The following HDAC9 variants were observed in gnomAD, a reference collection of about 807,000 sequenced individuals.
The protein encoded by HDAC9 is histone deacetylase 9, also known as MEF-2 interacting transcription repressor (MITR) protein.
Under a neutral mutation model 139.4 loss-of-function variants are expected in HDAC9, and 41 were observed. The ratio of observed to expected loss-of-function variants is 0.29; its 90% CI spans 0.23 to 0.38. The LOEUF (loss-of-function observed/expected upper bound fraction) is 0.38. Ranked by LOEUF, HDAC9 falls within the 10% of genes least tolerant of loss-of-function variation. The pLI is 1.00. For missense variants in HDAC9, 1,147 were observed against 1,297.0 expected (o/e 0.88, Z 1.78); for synonymous variants, 517 against 476.2 (o/e 1.09, Z -1.12).
At chr7:18,686,727 A>G (rs1253135848) in intron 12 of HDAC9, among the ~76,000 whole-genome samples, 1 of 151,908 alleles carries the variant, frequency 6.6e-6, no homozygotes, top group Non-Finnish European at 1.5e-5. Context: ...AACTCTGTCA[A>G]CATTTATACA....
At chr7:18,814,135 AC>A (rs1794393924) in intron 17 of HDAC9, among the ~76,000 whole-genome samples, 1 of 151,762 alleles carries the variant, frequency 6.6e-6, no homozygotes. Context: ...ACTCTACATC[AC>A]TCCCCGCTCT....
chr7:18,259,089 C>A (rs1427343730), intron 2 of HDAC9, among the ~76,000 whole-genome samples: 1 of 151,216 alleles, frequency 6.6e-6, no homozygotes, highest in Non-Finnish European at 1.5e-5. Context: ...CCTGCCTCAG[C>A]CTCCCCAGTA....
chr7:18,719,331 C>CTTTTTTTTTTTTTTTTT (rs757689693), intron 12 of HDAC9, among the ~76,000 whole-genome samples: 20 of 73,914 alleles, frequency 2.7e-4, no homozygotes, highest in African/African-American at 6.6e-4. Flanking sequence ...TTTTCTCTTC[C>CTTTTTTTTTTTTTTTTT]TTTTTTTTTT....
At chr7:18,290,617 C>T (rs1470079195) in intron 1 of HDAC9, 1 of 440,118 alleles carries the variant, frequency 2.3e-6, no homozygotes, top group Non-Finnish European at 4.6e-6. Flanking sequence ...AACTTGTAGG[C>T]TGTGGAAAGA....
At chr7:18,259,259 G>A (rs2128205582) in intron 2 of HDAC9, among the ~76,000 whole-genome samples, 1 of 152,164 alleles carries the variant, frequency 6.6e-6, no homozygotes, top group South Asian at 2.1e-4. Context: ...GTGAGTCACA[G>A]TGCCCAGCCA....
At chr7:18,759,004 A>G (rs1020929069) in intron 14 of HDAC9, among the ~76,000 whole-genome samples, 1 of 152,194 alleles carries the variant, frequency 6.6e-6, no homozygotes, top group Non-Finnish European at 1.5e-5. Flanking sequence ...GTCAAAAGAA[A>G]GAATAAGGAG....
chr7:18,615,165 A>G (rs1838222099), intron 6 of HDAC9, among the ~76,000 whole-genome samples: 1 of 152,180 alleles, frequency 6.6e-6, no homozygotes, highest in African/African-American at 2.4e-5. Context: ...GTTGTAAGAG[A>G]CTGGAATTGT....
intron 2 of HDAC9, among the ~76,000 whole-genome samples, chr7:18,271,630 T>C (rs1157556378): frequency 1.3e-5 from 2 of 152,200 alleles, no homozygotes; most frequent in African/African-American, 4.8e-5. Context: ...TTCACCCGAA[T>C]TCCTACATTT....
At chr7:18,980,667 CTTCTTGTTCT>C in intron 25 of HDAC9, among the ~76,000 whole-genome samples, 2 of 84,188 alleles carry the variant, frequency 2.4e-5, no homozygotes, top group African/African-American at 9.1e-5. Flanking sequence ...TTTTCTTGTT[CTTCTTGTTCT>C]TGTTCTTCTT....
intron 21 of HDAC9, among the ~76,000 whole-genome samples, chr7:18,863,673 A>G (rs537321325): frequency 4.5e-4 from 68 of 152,302 alleles, no homozygotes; most frequent in African/African-American, 1.6e-3. Flanking sequence ...TAAACATTGG[A>G]CATAATATAT....
intron 22 of HDAC9, among the ~76,000 whole-genome samples, chr7:18,921,973 C>G (rs553830421): frequency 1.3e-5 from 2 of 149,544 alleles, no homozygotes; most frequent in Non-Finnish European, 3.0e-5. Flanking sequence ...CAAACTCTCA[C>G]AAGGACAAAA....
intron 2 of HDAC9, among the ~76,000 whole-genome samples, chr7:18,524,899 C>T (rs1207715759): frequency 6.7e-6 from 1 of 150,302 alleles, no homozygotes; most frequent in Non-Finnish European, 1.5e-5. Flanking sequence ...CACACACACA[C>T]ACATTACAGA....
intron 14 of HDAC9, among the ~76,000 whole-genome samples, chr7:18,757,464 T>A (rs184695445): frequency 2.6e-4 from 40 of 152,330 alleles, no homozygotes; most frequent in South Asian, 1.4e-3. Context: ...AGCCCTTTCA[T>A]GTCCACAATA....
At chr7:18,903,814 C>T (rs368030551) in intron 22 of HDAC9, among the ~76,000 whole-genome samples, 3 of 152,196 alleles carry the variant, frequency 2.0e-5, no homozygotes, top group Non-Finnish European at 4.4e-5. Context: ...CCATTTGGCT[C>T]ACTCTGGCTT....
intron 14 of HDAC9, 145 bp from the exon 15 acceptor site, chr7:18,762,012 A>G (rs995203791): frequency 2.4e-6 from 2 of 846,724 alleles, no homozygotes; most frequent in South Asian, 1.7e-5. Flanking sequence ...AAATATTATT[A>G]TGGTACTTTA....
At chr7:18,431,015 T>TTGTCCTGTCCTGTCCTGTCCTGTCC (rs10587067) in intron 1 of HDAC9, among the ~76,000 whole-genome samples, 1 of 148,196 alleles carries the variant, frequency 6.7e-6, no homozygotes, top group African/African-American at 2.5e-5. Context: ...TTATCCTATC[T>TTGTCCTGTCCTGTCCTGTCCTGTCC]TGTCCTGTCC....
At chr7:18,314,996 G>C (rs1046642937) in intron 1 of HDAC9, among the ~76,000 whole-genome samples, 1 of 152,098 alleles carries the variant, frequency 6.6e-6, no homozygotes, top group Non-Finnish European at 1.5e-5. Context: ...CAGCAACGTG[G>C]TTGAAAAACC....
At chr7:18,311,952 T>G (rs1327035402) in intron 1 of HDAC9, among the ~76,000 whole-genome samples, 1 of 152,196 alleles carries the variant, frequency 6.6e-6, no homozygotes, top group Non-Finnish European at 1.5e-5. Flanking sequence ...AACCACCCTC[T>G]TGGCACTACC....
rs148860019 is a variant in HDAC9 at position 18,435,152 on chromosome 7, G to A, written c.-41-61110G>A. 2.0e-3 allele frequency among the ~76,000 whole-genome samples: 295 copies of A among 151,174 alleles called. 1 individual carries two copies. The highest frequency in any genetic ancestry group is 5.8e-3 in the African/African-American group (240 of 41,160). ...CATTATCCTAAGTGAACTAATGCAG[G>A]AACAGAAAACCAAGTACTGCATATT... On this transcript the variant is annotated intron_variant, in intron 1 of 3. Transcript: ENST00000413509.
Sources: gnomAD v4.1 joint callset for allele counts (sites outside exome capture counted in the v4.1 genomes callset) on GRCh38, gnomAD v4.1.1 for gene constraint, MANE v1.5 for transcripts, NCBI Gene and HGNC (gene_info 2026-07-23, HGNC 2026-07-21) for gene names.